Variants in BBOX1 observed in about 807,000 individuals in gnomAD.
The protein encoded by BBOX1 is gamma-butyrobetaine dioxygenase.
BBOX1 carries 35 observed loss-of-function variants against 41.6 expected under a neutral mutation model. The ratio of observed to expected loss-of-function variants is 0.84; its 90% CI spans 0.64 to 1.11. BBOX1 has a LOEUF of 1.11. Among genes scored for constraint, BBOX1 ranks in the 50% most tolerant of loss-of-function variants. BBOX1 has a pLI of 0.00. For missense variants in BBOX1, 458 were observed against 460.6 expected (o/e 0.99, Z 0.05); for synonymous variants, 163 against 154.7 (o/e 1.05, Z -0.40).
intron 5 of BBOX1, among the ~76,000 whole-genome samples, chr11:27,111,397 T>C (rs1367351426): frequency 1.3e-5 from 2 of 151,974 alleles, no homozygotes; most frequent in East Asian, 3.9e-4. Context: ...TTGGGTACTA[T>C]GCTCAGTATC....
At chr11:27,123,480 C>T (rs1419134304) in intron 7 of BBOX1, among the ~76,000 whole-genome samples, 2 of 151,906 alleles carry the variant, frequency 1.3e-5, no homozygotes, top group Non-Finnish European at 2.9e-5. Flanking sequence ...GACGACCCCC[C>T]CAGAAGTTCC....
chr11:27,113,194 A>G (rs1269328693), intron 5 of BBOX1, among the ~76,000 whole-genome samples: 1 of 151,970 alleles, frequency 6.6e-6, no homozygotes, highest in African/African-American at 2.4e-5. Context: ...GCACTTATAC[A>G]CTGCTGGTGG....
At chr11:27,127,200 C>A (rs1859696992) in intron 8 of BBOX1, 93 bp from the exon 9 acceptor site, 2 of 1,328,678 alleles carry the variant, frequency 1.5e-6, no homozygotes, top group Non-Finnish European at 2.1e-6. Flanking sequence ...TGATGTGAAC[C>A]AAGCAGCAGC....
intron 2 of BBOX1, among the ~76,000 whole-genome samples, chr11:27,051,386 G>A (rs2133952576): frequency 6.6e-6 from 1 of 151,998 alleles, no homozygotes; most frequent in East Asian, 1.9e-4. Flanking sequence ...CAATTTTTGG[G>A]GAAAATTTGA....
intron 7 of BBOX1, among the ~76,000 whole-genome samples, chr11:27,123,901 CT>C (rs1471883934): frequency 6.6e-6 from 1 of 152,178 alleles, no homozygotes; most frequent in African/African-American, 2.4e-5. Flanking sequence ...TTTTAAGAGT[CT>C]AAGAGCCTTT....
intron 7 of BBOX1, among the ~76,000 whole-genome samples, chr11:27,123,101 C>T (rs1261932971): frequency 2.0e-5 from 3 of 152,100 alleles, no homozygotes; most frequent in Non-Finnish European, 4.4e-5. Context: ...CTATATCTTA[C>T]AACAAAATTT....
At chr11:27,078,253 G>A (rs548923550) in intron 4 of BBOX1, among the ~76,000 whole-genome samples, 52 of 152,124 alleles carry the variant, frequency 3.4e-4, no homozygotes, top group Middle Eastern at 3.4e-3. Flanking sequence ...CTAGGAAATA[G>A]GCATCACTTC....
chr11:27,055,108 T>C, intron 2 of BBOX1: 1 of 242,158 alleles, frequency 4.1e-6, no homozygotes, highest in Non-Finnish European at 8.1e-6. Context: ...TGTCATTGGT[T>C]CTGAACTTAA....
chr11:27,066,222 TTTTTGTTTTGTTTTG>T (rs370720020), intron 4 of BBOX1, among the ~76,000 whole-genome samples: 1 of 152,012 alleles, frequency 6.6e-6, no homozygotes, highest in Non-Finnish European at 1.5e-5. Context: ...GGTTTTTTGG[TTTTTGTTTTGTTTTG>T]TTTTGTTTTG....
In BBOX1 at chr11:27,052,917, G is replaced by C. The variant is rs140721303; in HGVS notation, c.-38-2476G>C. Reference sequence around the variant, plus strand: ...CAGAAAGGAAGTGGAAAAAAATAGAGAAAACAGCATATGGCAGCCAAGTCT... The same window carrying C: ...CAGAAAGGAAGTGGAAAAAAATAGACAAAACAGCATATGGCAGCCAAGTCT... On this transcript the variant is annotated intron_variant, in intron 2 of 8. Coordinates refer to ENST00000263182, the MANE Select transcript of BBOX1 (RefSeq NM_003986.3). 6.0e-3 allele frequency among the ~76,000 whole-genome samples: 918 copies of C among 151,956 alleles called. 13 individuals carry two copies. Among genetic ancestry groups the C allele is most frequent in the African/African-American group, 0.021 (865 of 41,450 alleles).
At chr11:27,099,524 C>A (rs1858567320) in intron 5 of BBOX1, among the ~76,000 whole-genome samples, 1 of 151,750 alleles carries the variant, frequency 6.6e-6, no homozygotes, top group African/African-American at 2.4e-5. Flanking sequence ...CTTATAAGGC[C>A]ACAAGTTTAT....
intron 4 of BBOX1, among the ~76,000 whole-genome samples, chr11:27,091,636 G>T (rs563503082): frequency 4.6e-4 from 70 of 151,940 alleles, no homozygotes; most frequent in African/African-American, 1.6e-3. Flanking sequence ...CACTTGAAAA[G>T]CAATGCTTAA....
At position 27,043,363 on chromosome 11, in the gene BBOX1, C is replaced by T. The variant is rs568634860; in HGVS notation, c.-39+1885C>T. Among the ~76,000 whole-genome samples the T allele has an allele frequency of 8.8e-5, 13 of 147,430 alleles. No homozygotes were observed. In the South Asian group the frequency reaches 2.6e-3, roughly 30 times the overall value. The stretch of plus-strand genomic sequence containing the variant: ...CAGGCATGAGCCACCACACCCTGTC[C>T]TAATTTTTTTTAAGTTATACTTTTA... On this transcript the variant is annotated intron_variant, in intron 2 of 8. Coordinates refer to ENST00000263182, the MANE Select transcript of BBOX1 (RefSeq NM_003986.3).
chr11:27,100,537 A>C (rs1052129022), intron 5 of BBOX1, among the ~76,000 whole-genome samples: 24 of 152,186 alleles, frequency 1.6e-4, no homozygotes, highest in African/African-American at 5.8e-4. Context: ...GTAGAGGGAC[A>C]AAAAAACTCT....
intron 5 of BBOX1, among the ~76,000 whole-genome samples, chr11:27,094,627 G>A (rs984052425): frequency 4.0e-5 from 6 of 151,876 alleles, no homozygotes; most frequent in South Asian, 2.1e-4. Context: ...AATCCTCCAC[G>A]CTCTCCAGAC....
Position 27,107,275 on chromosome 11 carries a change from C to T in BBOX1, c.534-8177C>T, listed in dbSNP as rs140954089. ...GAAAGAGATAGAGACACAAAAAACC[C>T]GTTCAAAAAATCAATGAATCCAGGA... On this transcript the variant is annotated intron_variant, in intron 5 of 8. Coordinates refer to ENST00000263182, the MANE Select transcript of BBOX1 (RefSeq NM_003986.3). Among the ~76,000 whole-genome samples the T allele has an allele frequency of 3.8e-3, 584 of 151,982 alleles. 5 individuals are homozygous for T. Among genetic ancestry groups the T allele is most frequent in the African/African-American group, 0.013 (537 of 41,480 alleles).
intron 5 of BBOX1, among the ~76,000 whole-genome samples, chr11:27,098,005 C>A (rs541732817): frequency 6.6e-6 from 1 of 152,122 alleles, no homozygotes; most frequent in East Asian, 1.9e-4. Context: ...CTAAATCAGT[C>A]CCTTTCTCAC....
chr11:27,050,728 GTT>G (rs1310257254), intron 2 of BBOX1, among the ~76,000 whole-genome samples: 3 of 152,058 alleles, frequency 2.0e-5, no homozygotes, highest in Non-Finnish European at 4.4e-5. Context: ...AGTTCTAAAA[GTT>G]TTTTCTGCAG....
At chr11:27,053,025 T>C (rs2133955546) in intron 2 of BBOX1, among the ~76,000 whole-genome samples, 1 of 152,186 alleles carries the variant, frequency 6.6e-6, no homozygotes, top group East Asian at 1.9e-4. Flanking sequence ...TAATCTTAGC[T>C]ACAAAGAAAG....
Sources: allele counts gnomAD v4.1 joint callset (sites outside exome capture counted in the v4.1 genomes callset), GRCh38; gene constraint gnomAD v4.1.1; transcripts MANE v1.5; gene names NCBI Gene and HGNC (gene_info 2026-07-23, HGNC 2026-07-21).